AGMO: variants seen among roughly 807,000 people sequenced by gnomAD.
AGMO encodes glyceryl-ether monooxygenase.
Under a neutral mutation model 60.2 loss-of-function variants are expected in AGMO, and 75 were observed. The observed-to-expected ratio is 1.25, with a 90% CI of 1.03 to 1.51. The LOEUF (loss-of-function observed/expected upper bound fraction) is 1.51, where lower values mean the gene tolerates loss of function less well. AGMO is among the 40% of genes most tolerant of loss of function. AGMO has a pLI of 0.00. For missense variants in AGMO, 763 were observed against 525.5 expected, an observed-to-expected ratio of 1.45 and a Z score of -4.42; for synonymous variants, 261 against 177.1, an observed-to-expected ratio of 1.47 and a Z score of -3.76.
At chr7:15,121,633 A>G in the AGMO span, among the ~76,000 whole-genome samples, 3 of 152,070 alleles carry the variant, frequency 2.0e-5, no homozygotes, top group African/African-American at 7.2e-5. Flanking sequence ...GACAATCCTA[A>G]GCTAAAAGAA....
At chr7:15,370,036 T>C (rs1032854985) in intron 10 of AGMO, among the ~76,000 whole-genome samples, 1 of 152,140 alleles carries the variant, frequency 6.6e-6, no homozygotes, top group African/African-American at 2.4e-5. Flanking sequence ...TACCCAACAA[T>C]TAGTTTTCCA....
the AGMO span, among the ~76,000 whole-genome samples, chr7:15,118,925 T>G: frequency 7.5e-6 from 1 of 132,508 alleles, no homozygotes; most frequent in Admixed American, 8.6e-5. Flanking sequence ...TGAGACAGAG[T>G]CTCTCTCTGT....
chr7:15,532,768 A>C (rs1348975677), intron 3 of AGMO, among the ~76,000 whole-genome samples: 4 of 152,098 alleles, frequency 2.6e-5, no homozygotes, highest in Non-Finnish European at 5.9e-5. Context: ...AGGTGAGAGG[A>C]TGTCTTAAGC....
chr7:15,241,216 T>C (rs1479443049), intron 12 of AGMO, among the ~76,000 whole-genome samples: 1 of 151,564 alleles, frequency 6.6e-6, no homozygotes, highest in Non-Finnish European at 1.5e-5. Flanking sequence ...ATCCCAGCAC[T>C]TTGGGAGGCC....
At chr7:15,202,458 C>CAAAAAAAAAAAAAAAAAAA (rs71004370) in intron 12 of AGMO, among the ~76,000 whole-genome samples, 22 of 45,362 alleles carry the variant, frequency 4.8e-4, no homozygotes, top group East Asian at 1.1e-3. Flanking sequence ...TACAAATGAG[C>CAAAAAAAAAAAAAAAAAAA]AAAAAAAAAA....
intron 10 of AGMO, among the ~76,000 whole-genome samples, chr7:15,369,763 G>A (rs1035279449): frequency 9.2e-5 from 14 of 151,868 alleles, no homozygotes; most frequent in Middle Eastern, 3.2e-3. Context: ...ATTCACTGTC[G>A]TATCCCAAGG....
the AGMO span, among the ~76,000 whole-genome samples, chr7:15,166,331 C>A: frequency 6.6e-6 from 1 of 152,024 alleles, no homozygotes; most frequent in Non-Finnish European, 1.5e-5. Context: ...GTGGATGGAG[C>A]AATGAGTGCA....
At chr7:15,437,555 G>A (rs1240931237) in intron 3 of AGMO, among the ~76,000 whole-genome samples, 1 of 128,090 alleles carries the variant, frequency 7.8e-6, no homozygotes, top group Admixed American at 8.9e-5. Context: ...TTTTTTTTGA[G>A]ACGGAGTCTG....
intron 12 of AGMO, among the ~76,000 whole-genome samples, chr7:15,346,887 T>G (rs1782054242): frequency 6.6e-6 from 1 of 151,972 alleles, no homozygotes; most frequent in African/African-American, 2.4e-5. Context: ...AAATTTATAT[T>G]TTATGTATAT....
intron 5 of AGMO, 62 bp downstream of exon 5, chr7:15,418,496 T>G: frequency 9.7e-7 from 1 of 1,026,514 alleles, no homozygotes; most frequent in African/African-American, 1.6e-5. Context: ...GCTAGTGGAT[T>G]TCCAGGACAT....
At chr7:15,124,327 T>C in the AGMO span, among the ~76,000 whole-genome samples, 1 of 152,042 alleles carries the variant, frequency 6.6e-6, no homozygotes, top group Admixed American at 6.6e-5. Flanking sequence ...GTAATGTTCT[T>C]TTTGTATGAT....
chr7:15,349,427 G>C (rs905706401), intron 12 of AGMO, among the ~76,000 whole-genome samples: 9 of 152,062 alleles, frequency 5.9e-5, no homozygotes, highest in Non-Finnish European at 1.2e-4. Context: ...GAAAGGGCAT[G>C]GTGGTGATTA....
chr7:15,333,627 A>G (rs1563092763), intron 12 of AGMO, among the ~76,000 whole-genome samples: 2 of 151,644 alleles, frequency 1.3e-5, no homozygotes, highest in African/African-American at 2.4e-5. Flanking sequence ...AAGAAAGAAA[A>G]AAAATAAAAA....
intron 10 of AGMO, among the ~76,000 whole-genome samples, chr7:15,375,039 T>C (rs1049100851): frequency 5.3e-5 from 8 of 152,064 alleles, no homozygotes; most frequent in African/African-American, 1.9e-4. Flanking sequence ...GGACATTCAC[T>C]AAGTAGAGAA....
intron 2 of AGMO, among the ~76,000 whole-genome samples, chr7:15,547,175 G>T: frequency 7.1e-6 from 1 of 140,778 alleles, no homozygotes; most frequent in East Asian, 1.9e-4. Flanking sequence ...CTAGATTTAG[G>T]ACCCTTCCTT....
intron 6 of AGMO, among the ~76,000 whole-genome samples, chr7:15,391,438 G>A (rs1784133434): frequency 6.6e-6 from 1 of 151,910 alleles, no homozygotes. Flanking sequence ...CATATCATAT[G>A]TATTTTTCCT....
intron 12 of AGMO, among the ~76,000 whole-genome samples, chr7:15,310,247 T>C (rs957980658): frequency 1.3e-5 from 2 of 152,184 alleles, no homozygotes; most frequent in African/African-American, 4.8e-5. Flanking sequence ...TCACATGTAG[T>C]AAATGATCAA....
At chr7:15,254,515 A>G (rs1783041419) in intron 12 of AGMO, among the ~76,000 whole-genome samples, 1 of 152,120 alleles carries the variant, frequency 6.6e-6, no homozygotes, top group Non-Finnish European at 1.5e-5. Context: ...TCATACACCT[A>G]TTGGTCATTT....
chr7:15,276,212 G>C lies in AGMO; in HGVS notation c.1264-74853C>G, dbSNP rs377230988. Among the ~76,000 whole-genome samples the C allele has an allele frequency of 4.9e-4, 74 of 152,244 alleles. No individual in the cohort carries two copies. The South Asian group carries it at 0.014, about 29-fold the overall frequency. On this transcript the variant is annotated intron_variant, in intron 12 of 12. Transcript: ENST00000342526. The stretch of plus-strand genomic sequence containing the variant: ...TTTAGAACTCCTTTGAGCATTTCTT[G>C]TAGGACCAGTCTAGTGGTGACAAAT...
Sources: allele counts gnomAD v4.1 joint callset (sites outside exome capture counted in the v4.1 genomes callset), GRCh38; gene constraint gnomAD v4.1.1; transcripts MANE v1.5; gene names NCBI Gene and HGNC (gene_info 2026-07-23, HGNC 2026-07-21).